BOLL: variants seen among roughly 807,000 people sequenced by gnomAD.
BOLL encodes protein boule-like.
In BOLL, 23 loss-of-function variants were observed where a neutral mutation model predicts 44.4. The observed-to-expected ratio is 0.52, with a 90% CI of 0.37 to 0.73. BOLL has a LOEUF of 0.73. Among genes scored for constraint, BOLL ranks in the 30% least tolerant of loss-of-function variants. BOLL has a pLI of 0.00. For missense variants in BOLL, 287 were observed against 338.3 expected (o/e 0.85, Z 1.19); for synonymous variants, 97 against 110.8 (o/e 0.88, Z 0.78).
intron 9 of BOLL, among the ~76,000 whole-genome samples, chr2:197,751,363 G>T (rs1326914328): frequency 6.6e-6 from 1 of 152,026 alleles, no homozygotes; most frequent in African/African-American, 2.4e-5. Flanking sequence ...TCCAAGAGCT[G>T]GTTTTTTGAA....
intron 9 of BOLL, among the ~76,000 whole-genome samples, chr2:197,751,172 C>G (rs1195514832): frequency 6.6e-6 from 1 of 152,102 alleles, no homozygotes; most frequent in African/African-American, 2.4e-5. Context: ...ATTTATAGCA[C>G]TAAATGCCCA....
At chr2:197,750,453 T>C (rs1364660917) in intron 9 of BOLL, among the ~76,000 whole-genome samples, 1 of 152,144 alleles carries the variant, frequency 6.6e-6, no homozygotes, top group Non-Finnish European at 1.5e-5. Flanking sequence ...TGGAGGAATA[T>C]TTACCAAGCA....
At chr2:197,782,356 T>C (rs1273626164) in intron 1 of BOLL, among the ~76,000 whole-genome samples, 4 of 152,270 alleles carry the variant, frequency 2.6e-5, no homozygotes, top group Admixed American at 6.5e-5. Context: ...ATAATCATGT[T>C]TGAATGCTGA....
At chr2:197,774,194 C>A in intron 5 of BOLL, 1 of 200,628 alleles carries the variant, frequency 5.0e-6, no homozygotes, top group South Asian at 8.2e-5. Flanking sequence ...CAGTTTTATT[C>A]AATTGTTTTT....
At chr2:197,735,404 T>G (rs1245731020) in intron 10 of BOLL, among the ~76,000 whole-genome samples, 2 of 152,178 alleles carry the variant, frequency 1.3e-5, no homozygotes, top group African/African-American at 4.8e-5. Context: ...ACTTCTGGGA[T>G]TAATCTAATT....
At chr2:197,752,829 AG>A (rs1185328287) in intron 9 of BOLL, among the ~76,000 whole-genome samples, 1 of 152,238 alleles carries the variant, frequency 6.6e-6, no homozygotes, top group Non-Finnish European at 1.5e-5. Flanking sequence ...GAACCAAAAA[AG>A]AGGCCATATA....
chr2:197,778,871 G>T, intron 3 of BOLL, 104 bp downstream of exon 3: 2 of 861,478 alleles, frequency 2.3e-6, no homozygotes, highest in South Asian at 1.7e-5. Flanking sequence ...AGGGCATGAT[G>T]GTCTCTGCTG....
chr2:197,773,099 G>A (rs1689339644), intron 5 of BOLL, among the ~76,000 whole-genome samples: 1 of 151,380 alleles, frequency 6.6e-6, no homozygotes, highest in Non-Finnish European at 1.5e-5. Flanking sequence ...TTATTTTAAT[G>A]GTTCTTAATT....
At chr2:197,751,331 C>T (rs1688241580) in intron 9 of BOLL, among the ~76,000 whole-genome samples, 1 of 150,568 alleles carries the variant, frequency 6.6e-6, no homozygotes, top group South Asian at 2.1e-4. Context: ...ACACGAAAAA[C>T]CCTTCAAAAA....
chr2:197,781,806 A>G lies in BOLL; in HGVS notation c.45T>C (p.Pro15=). The change falls in exon 2 of 11, where the codon CCT becomes CCC. Residue 15 remains proline (P), a synonymous_variant. Coordinates refer to ENST00000392296, the MANE Select transcript of BOLL (RefSeq NM_033030.6). ...SLSPSPNPVS[P]VPLNNPTSAP... ...CACTTGTTGGGTTATTCAAAGGCAC[A>G]GGTGACACAGGATTAGGGGATGGAG... 1 of 1,608,032 alleles carries G rather than the reference A, an allele frequency of 6.2e-7. No individual in the cohort carries two copies. Among genetic ancestry groups the G allele is most frequent in the Non-Finnish European group, 8.5e-7 (1 of 1,175,780 alleles).
intron 10 of BOLL, among the ~76,000 whole-genome samples, chr2:197,734,982 A>G (rs1284583045): frequency 2.0e-5 from 3 of 152,082 alleles, no homozygotes; most frequent in Non-Finnish European, 4.4e-5. Flanking sequence ...AAAGAATTCT[A>G]TTTAAAGTCT....
chr2:197,775,751 G>T lies in BOLL; in HGVS notation c.277-11C>A, dbSNP rs771870002. 10 of 1,407,558 alleles carry T rather than the reference G, an allele frequency of 7.1e-6. No individual in the cohort carries two copies. The South Asian group carries it at 1.1e-4, about 16-fold the overall frequency. The allele number at this position is 1,407,558 out of a possible 1,614,324, so 87.2% of individuals were successfully genotyped here. Reference sequence around the variant, plus strand: ...ATTAAGTTTTTCAGCCTAAAATAAAGAAAAAAGAAATTATTTTATTATTTT... The same window carrying T: ...ATTAAGTTTTTCAGCCTAAAATAAATAAAAAAGAAATTATTTTATTATTTT... On this transcript the variant is annotated splice_polypyrimidine_tract_variant and intron_variant, in intron 4 of 10. Transcript: ENST00000392296.
intron 6 of BOLL, among the ~76,000 whole-genome samples, chr2:197,770,855 C>T (rs1689216092): frequency 6.6e-6 from 1 of 152,108 alleles, no homozygotes; most frequent in African/African-American, 2.4e-5. Flanking sequence ...ACAACAGGTG[C>T]TGGAGGGGAT....
At position 197,785,314 on chromosome 2, in the gene BOLL, G is replaced by T. The variant is rs906083610; in HGVS notation, c.-274C>A. Reference sequence around the variant, plus strand: ...AGCGACCCCGCCGCTGGCCTCGTGCGCAGCTGGTCCCCACCCTCGCGCGGC... The same window carrying T: ...AGCGACCCCGCCGCTGGCCTCGTGCTCAGCTGGTCCCCACCCTCGCGCGGC... On this transcript the variant is annotated 5_prime_UTR_variant, in exon 1 of 11. Transcript: ENST00000392296. The surrounding 1 kb of genome is among the most constrained non-coding windows in gnomAD (Gnocchi z 6.7). 1 of 985,564 alleles carries T rather than the reference G, an allele frequency of 1.0e-6. No individual in the cohort carries two copies. Among genetic ancestry groups the T allele is most frequent in the African/African-American group, 1.7e-5 (1 of 57,240 alleles). 61.1% of individuals were successfully genotyped at this position (985,564 alleles called of 1,614,324 possible).
At chr2:197,784,898 T>C (rs1486546042) in intron 1 of BOLL, 158 bp downstream of exon 1, 4 of 987,146 alleles carry the variant, frequency 4.1e-6, no homozygotes, top group African/African-American at 3.5e-5. Flanking sequence ...GTTGCCGGGT[T>C]TGAAGGCTCC....
Position 197,728,123 on chromosome 2 carries a change from GTAT to G in BOLL, c.*429_*431del, listed in dbSNP as rs562157667. 34 of 201,938 alleles carry G rather than the reference GTAT, an allele frequency of 1.7e-4. No individual in the cohort carries two copies. Among genetic ancestry groups the G allele is most frequent in the African/African-American group, 5.3e-4 (23 of 43,288 alleles). The allele number at this position is 201,938 out of a possible 1,614,324, so 12.5% of individuals were successfully genotyped here. A position where few individuals can be genotyped will look rare whatever the true frequency, so the allele number is the denominator to read the frequency against. ...TGTAAAATATATGAAAGTATTAAAA[GTAT>G]TATAATTAAAAATGATTCTTATCCT... is the stretch of plus-strand genomic sequence containing the variant. On this transcript the variant is annotated 3_prime_UTR_variant, in exon 11 of 11. Transcript: ENST00000392296.
Position 197,743,141 on chromosome 2 carries a change from C to A in BOLL, c.748G>T (p.Val250Phe), listed in dbSNP as rs867709728. ...TAAACCTGGTGATATGTTGCTTGAA[C>A]TCCATGATCAGAATAAGGCTATTAC... ...SVPEPYSDHG[V>F]QATYHQVYAP... The change falls in exon 10 of 11, where the codon GTT (valine) becomes TTT (phenylalanine). Residue 250 changes from valine to phenylalanine, a missense_variant. By Grantham distance (50) the Val-to-Phe change is conservative. Transcript: ENST00000392296. The A allele has an allele frequency of 6.2e-7, 1 of 1,601,862 alleles. No homozygotes were observed. Among genetic ancestry groups the A allele is most frequent in the Non-Finnish European group, 8.5e-7 (1 of 1,174,070 alleles).
rs538657178 is a variant in BOLL at position 197,741,543 on chromosome 2, C to G, written c.828+1518G>C. On this transcript the variant is annotated intron_variant, in intron 10 of 10. Coordinates refer to ENST00000392296, the MANE Select transcript of BOLL (RefSeq NM_033030.6). ...ACTATCTGATCTTTGACAAGCCTGA[C>G]AAAAACAAGAAATGGGGAAAGGATC... is the stretch of plus-strand genomic sequence containing the variant. Among the ~76,000 whole-genome samples the G allele has an allele frequency of 3.4e-4, 51 of 152,190 alleles. 1 individual carries two copies. The South Asian group carries it at 5.4e-3, about 16-fold the overall frequency.
intron 10 of BOLL, among the ~76,000 whole-genome samples, chr2:197,742,288 A>G (rs1275673948): frequency 6.6e-6 from 1 of 152,168 alleles, no homozygotes; most frequent in East Asian, 1.9e-4. Flanking sequence ...TAGAAATACC[A>G]TTTGACCCAG....
Sources: allele counts gnomAD v4.1 joint callset (sites outside exome capture counted in the v4.1 genomes callset), GRCh38; gene constraint gnomAD v4.1.1; non-coding constraint Gnocchi (gnomAD v3.1); transcripts MANE v1.5; gene names NCBI Gene and HGNC (gene_info 2026-07-23, HGNC 2026-07-21).